The following NCAM1 variants were observed in gnomAD, a reference collection of about 807,000 sequenced individuals.
NCAM1 encodes neural cell adhesion molecule 1.
In NCAM1, 14 loss-of-function variants were observed where a neutral mutation model predicts 109.8. The ratio of observed to expected loss-of-function variants is 0.13; its 90% CI spans 0.08 to 0.20. The LOEUF (loss-of-function observed/expected upper bound fraction) is 0.20. Among genes scored for constraint, NCAM1 ranks in the 10% least tolerant of loss-of-function variants. The pLI is 1.00. For synonymous variants in NCAM1, 418 were observed against 442.9 expected, an observed-to-expected ratio of 0.94 and a Z score of 0.70; for missense variants, 774 against 1,109.9, an observed-to-expected ratio of 0.70 and a Z score of 4.30.
intron 1 of NCAM1, among the ~76,000 whole-genome samples, chr11:113,106,775 A>G (rs895736697): frequency 2.6e-5 from 4 of 152,220 alleles, no homozygotes; most frequent in African/African-American, 7.2e-5. Flanking sequence ...TATTTCTGCA[A>G]TTCTGGGATG....
chr11:113,000,429 G>T (rs959207710), intron 1 of NCAM1, among the ~76,000 whole-genome samples: 1 of 152,164 alleles, frequency 6.6e-6, no homozygotes, highest in African/African-American at 2.4e-5. Context: ...AAAAAGCACA[G>T]TGAATAGTAG....
At chr11:113,092,657 C>A (rs1939404287) in intron 1 of NCAM1, among the ~76,000 whole-genome samples, 1 of 152,148 alleles carries the variant, frequency 6.6e-6, no homozygotes, top group African/African-American at 2.4e-5. Context: ...TGAAGGGAAT[C>A]TGATCATCTT....
intron 9 of NCAM1, among the ~76,000 whole-genome samples, chr11:113,224,331 A>C (rs60596558): frequency 6.6e-6 from 1 of 152,184 alleles, no homozygotes; most frequent in Non-Finnish European, 1.5e-5. Context: ...AGCCTCGCTC[A>C]TTGCTAGCAC....
At chr11:113,193,446 G>A (rs1342751814) in intron 1 of NCAM1, among the ~76,000 whole-genome samples, 1 of 152,126 alleles carries the variant, frequency 6.6e-6, no homozygotes, top group African/African-American at 2.4e-5. Flanking sequence ...AGGAGTTCGA[G>A]ACCAGCCTGG....
intron 1 of NCAM1, among the ~76,000 whole-genome samples, chr11:113,143,786 A>G (rs1941917389): frequency 6.6e-6 from 1 of 152,050 alleles, no homozygotes; most frequent in Non-Finnish European, 1.5e-5. Flanking sequence ...GAAAAGAAAA[A>G]CCAGAAACTG....
chr11:113,008,644 G>A (rs906516027), intron 1 of NCAM1, among the ~76,000 whole-genome samples: 21 of 152,220 alleles, frequency 1.4e-4, no homozygotes, highest in African/African-American at 4.6e-4. Context: ...TAGTTCCATC[G>A]AGTCACCAAT....
intron 1 of NCAM1, among the ~76,000 whole-genome samples, chr11:113,040,151 A>G (rs1021703232): frequency 7.2e-6 from 1 of 138,500 alleles, no homozygotes; most frequent in East Asian, 2.5e-4. Flanking sequence ...TAAAAAAATA[A>G]TAATTTTAAA....
intron 1 of NCAM1, among the ~76,000 whole-genome samples, chr11:113,064,204 A>T (rs1937829978): frequency 1.3e-5 from 2 of 152,202 alleles, no homozygotes; most frequent in Non-Finnish European, 2.9e-5. Context: ...CCCACTTCTC[A>T]TTGCTCTCTT....
chr11:113,270,810 C>T (rs1555125160), intron 18 of NCAM1, among the ~76,000 whole-genome samples: 1 of 152,176 alleles, frequency 6.6e-6, no homozygotes, highest in Non-Finnish European at 1.5e-5. Context: ...GCAGCTGCTG[C>T]AGGCAAGGCA....
At chr11:113,021,261 T>C (rs1952376677) in intron 1 of NCAM1, among the ~76,000 whole-genome samples, 1 of 152,230 alleles carries the variant, frequency 6.6e-6, no homozygotes, top group Non-Finnish European at 1.5e-5. Flanking sequence ...TGAGTTAGCA[T>C]GCTATAGCCC....
intron 1 of NCAM1, among the ~76,000 whole-genome samples, chr11:112,968,291 A>C (rs1555066014): frequency 6.6e-6 from 1 of 152,202 alleles, no homozygotes; most frequent in Non-Finnish European, 1.5e-5. Flanking sequence ...GTAAATTACT[A>C]ACTAGAAGAA....
At chr11:113,147,770 T>C (rs11214514) in intron 1 of NCAM1, among the ~76,000 whole-genome samples, 18,624 of 152,188 alleles carry the variant, frequency 0.12, 1,251 homozygotes, top group East Asian at 0.26. Flanking sequence ...CAGGAATTTA[T>C]GTGACGCCAT....
In NCAM1 at chr11:113,239,890, G is replaced by A. The variant is rs1260477344; in HGVS notation, c.1825+4726G>A. 4.6e-5 allele frequency among the ~76,000 whole-genome samples: 7 copies of A among 152,198 alleles called. No individual in the cohort carries two copies. The East Asian group carries it at 9.6e-4, about 21-fold the overall frequency. ...CATGAGTATTAGATATTAAGGCAGT[G>A]GCGGAGATACACTGAGGTTTTTCCA... On this transcript the variant is annotated intron_variant, in intron 14 of 19. Transcript: ENST00000316851.
rs1555108634 is a variant in NCAM1, at chr11:113,185,068, T to TATATATATA, written c.53-17311_53-17310insATATATATA. On this transcript the variant is annotated intron_variant, in intron 1 of 19. Transcript: ENST00000316851. Reference sequence around the variant, plus strand: ...TATGTGTATGTGTGTGCATTTATATTTATATATATATAGAGAGAGAGAGAG... The same window carrying TATATATATA: ...TATGTGTATGTGTGTGCATTTATATTATATATATATATATATATATAGAGAGAGAGAGAG... Among the ~76,000 whole-genome samples the TATATATATA allele has an allele frequency of 1.4e-4, 14 of 99,618 alleles. No individual in the cohort carries two copies. The East Asian group carries it at 1.9e-3, about 13-fold the overall frequency. The allele number at this position is 99,618 out of a possible 152,430, so 65.4% of individuals were successfully genotyped here.
At chr11:112,967,374 G>T (rs1212370407) in intron 1 of NCAM1, among the ~76,000 whole-genome samples, 1 of 152,186 alleles carries the variant, frequency 6.6e-6, no homozygotes, top group African/African-American at 2.4e-5. Flanking sequence ...GGAATTAAAA[G>T]GAGTGAGATG....
intron 1 of NCAM1, among the ~76,000 whole-genome samples, chr11:113,152,461 T>C (rs1942257852): frequency 6.6e-6 from 1 of 152,270 alleles, no homozygotes; most frequent in Non-Finnish European, 1.5e-5. Context: ...AAAATATCCA[T>C]GTGATGCTTT....
chr11:113,096,391 G>T (rs1939598219), intron 1 of NCAM1, among the ~76,000 whole-genome samples: 2 of 152,218 alleles, frequency 1.3e-5, no homozygotes, highest in Admixed American at 1.3e-4. Context: ...AGAGAGAATT[G>T]TCAGGGTGAA....
chr11:112,987,004 T>C (rs1951323936), intron 1 of NCAM1, among the ~76,000 whole-genome samples: 1 of 152,158 alleles, frequency 6.6e-6, no homozygotes, highest in South Asian at 2.1e-4. Context: ...CTTCAAACCA[T>C]TATTCTTTTC....
intron 9 of NCAM1, among the ~76,000 whole-genome samples, chr11:113,224,294 A>T (rs79969514): frequency 6.6e-6 from 1 of 152,214 alleles, no homozygotes; most frequent in East Asian, 1.9e-4. Flanking sequence ...TATCCCGCGC[A>T]TGGCTCAGAG....
Sources: allele counts gnomAD v4.1 joint callset (sites outside exome capture counted in the v4.1 genomes callset), GRCh38; gene constraint gnomAD v4.1.1; transcripts MANE v1.5; gene names NCBI Gene and HGNC (gene_info 2026-07-23, HGNC 2026-07-21).